MYOCD: variants seen among roughly 807,000 people sequenced by gnomAD.
MYOCD encodes the protein myocardin.
In MYOCD, 32 loss-of-function variants were observed where a neutral mutation model predicts 96.1. The observed-to-expected ratio is 0.33, with a 90% CI of 0.25 to 0.45. MYOCD has a LOEUF of 0.45. Ranked by LOEUF, MYOCD falls within the 20% of genes least tolerant of loss-of-function variation. MYOCD has a pLI of 1.00. For synonymous variants in MYOCD, 469 were observed against 469.0 expected (o/e 1.00, Z 0.00); for missense variants, 1,133 against 1,200.6 (o/e 0.94, Z 0.83).
intron 1 of MYOCD, among the ~76,000 whole-genome samples, chr17:12,667,402 A>G (rs951869351): frequency 5.3e-5 from 8 of 152,128 alleles, no homozygotes; most frequent in Non-Finnish European, 1.2e-4. Context: ...CTGCCCCTGA[A>G]GCTCTGGGAT....
At chr17:12,723,830 T>C (rs2031918494) in intron 5 of MYOCD, among the ~76,000 whole-genome samples, 1 of 152,192 alleles carries the variant, frequency 6.6e-6, no homozygotes, top group African/African-American at 2.4e-5. Context: ...TATTTAAATG[T>C]TTTGACACAT....
intron 1 of MYOCD, among the ~76,000 whole-genome samples, chr17:12,683,923 G>A (rs2029950386): frequency 6.6e-6 from 1 of 152,182 alleles, no homozygotes; most frequent in African/African-American, 2.4e-5. Context: ...AATGAATGAT[G>A]TTAGCATGTT....
chr17:12,721,021 TAAAAAA>T (rs760458241), intron 4 of MYOCD, among the ~76,000 whole-genome samples: 3 of 107,554 alleles, frequency 2.8e-5, no homozygotes, highest in African/African-American at 7.0e-5. Flanking sequence ...GACTCTGTCT[TAAAAAA>T]AAAAAAAAAA....
intron 9 of MYOCD, among the ~76,000 whole-genome samples, chr17:12,750,717 T>G (rs1050335393): frequency 2.7e-5 from 4 of 149,362 alleles, no homozygotes; most frequent in African/African-American, 9.8e-5. Context: ...TTTTTGCCGC[T>G]ACTTAACTAA....
chr17:12,666,511 A>G (rs1195121411), intron 1 of MYOCD, among the ~76,000 whole-genome samples: 1 of 152,156 alleles, frequency 6.6e-6, no homozygotes, highest in Non-Finnish European at 1.5e-5. Flanking sequence ...TATGAATAGA[A>G]ATTTTGGAGG....
intron 11 of MYOCD, 26 bp downstream of exon 11, chr17:12,756,583 C>G (rs1046981405): frequency 1.3e-6 from 2 of 1,536,896 alleles, no homozygotes; most frequent in African/African-American, 2.8e-5. Flanking sequence ...AAGGCCTCAA[C>G]CTGGGATTCA....
intron 10 of MYOCD, among the ~76,000 whole-genome samples, chr17:12,755,409 G>C (rs539742969): frequency 6.6e-6 from 1 of 152,242 alleles, no homozygotes; most frequent in East Asian, 1.9e-4. Flanking sequence ...AAGAGTTCGA[G>C]ACCAGCCTGG....
chr17:12,755,568 C>T (rs2032988065), intron 10 of MYOCD, among the ~76,000 whole-genome samples: 1 of 152,048 alleles, frequency 6.6e-6, no homozygotes, highest in Non-Finnish European at 1.5e-5. Flanking sequence ...TGGTGAAACC[C>T]CATTTCTACT....
intron 5 of MYOCD, among the ~76,000 whole-genome samples, chr17:12,735,510 C>T (rs933344848): frequency 2.0e-5 from 3 of 151,900 alleles, no homozygotes; most frequent in Admixed American, 6.6e-5. Flanking sequence ...CAAAGAAATG[C>T]CAAATAATAA....
chr17:12,692,114 C>G (rs984139372), intron 1 of MYOCD, among the ~76,000 whole-genome samples: 3 of 152,196 alleles, frequency 2.0e-5, no homozygotes, highest in African/African-American at 4.8e-5. Context: ...TGTGCCTTTT[C>G]CATCTCACTC....
At chr17:12,703,323 T>C (rs2031158325) in intron 1 of MYOCD, among the ~76,000 whole-genome samples, 1 of 152,030 alleles carries the variant, frequency 6.6e-6, no homozygotes, top group South Asian at 2.1e-4. Context: ...TGTATCTAAG[T>C]GTGGTTTTCT....
intron 1 of MYOCD, among the ~76,000 whole-genome samples, chr17:12,685,105 G>A (rs1033920728): frequency 4.0e-5 from 6 of 151,508 alleles, no homozygotes; most frequent in Non-Finnish European, 8.8e-5. Context: ...AGACTAGCCT[G>A]GCTAACATGG....
In MYOCD at chr17:12,687,132, G is replaced by T. The variant is rs1475568480; in HGVS notation, c.56-17996G>T. ...CATAGAGTTTTAACATTTTGTGAGAGGTTTCGCTTTTGTTGTTCACCTCCA... is the reference window on the plus strand; with the variant it reads ...CATAGAGTTTTAACATTTTGTGAGATGTTTCGCTTTTGTTGTTCACCTCCA... On this transcript the variant is annotated intron_variant, in intron 1 of 13. Transcript: ENST00000425538. Among the ~76,000 whole-genome samples the T allele has an allele frequency of 3.3e-5, 5 of 151,990 alleles. No homozygotes were observed. The South Asian group carries it at 1.0e-3, about 32-fold the overall frequency.
chr17:12,718,159 C>T (rs746248144), intron 4 of MYOCD, among the ~76,000 whole-genome samples: 10 of 152,154 alleles, frequency 6.6e-5, no homozygotes, highest in Non-Finnish European at 1.3e-4. Flanking sequence ...CTCTGCCAGG[C>T]CAGTGGGTTC....
At chr17:12,691,895 C>A (rs185204649) in intron 1 of MYOCD, among the ~76,000 whole-genome samples, 5 of 152,272 alleles carry the variant, frequency 3.3e-5, no homozygotes, top group African/African-American at 1.2e-4. Flanking sequence ...TCCTCAAGGA[C>A]TATTGGGAGA....
intron 13 of MYOCD, chr17:12,760,982 T>G (rs897908776): frequency 3.9e-5 from 13 of 334,058 alleles, no homozygotes; most frequent in Non-Finnish European, 6.1e-5. Flanking sequence ...CCTTAAGTGT[T>G]TTCTCTTGCT....
At chr17:12,722,624 A>G (rs1029904535) in intron 4 of MYOCD, among the ~76,000 whole-genome samples, 5 of 152,188 alleles carry the variant, frequency 3.3e-5, no homozygotes, top group Admixed American at 6.5e-5. Flanking sequence ...CTCGCAAAGC[A>G]AGCTTCTCTA....
chr17:12,702,099 AT>A (rs1467360546), intron 1 of MYOCD, among the ~76,000 whole-genome samples: 1 of 152,014 alleles, frequency 6.6e-6, no homozygotes, highest in African/African-American at 2.4e-5. Context: ...TGTCATTAGT[AT>A]TTTTTTAAAT....
chr17:12,730,404 C>T (rs908098266), intron 5 of MYOCD, among the ~76,000 whole-genome samples: 2 of 149,036 alleles, frequency 1.3e-5, no homozygotes, highest in African/African-American at 2.5e-5. Flanking sequence ...GCCAAGATCG[C>T]GTCACTGCAC....
Sources: gnomAD v4.1 joint callset for allele counts (sites outside exome capture counted in the v4.1 genomes callset) on GRCh38, gnomAD v4.1.1 for gene constraint, MANE v1.5 for transcripts, NCBI Gene and HGNC (gene_info 2026-07-23, HGNC 2026-07-21) for gene names.